The following UBASH3B variants were observed in gnomAD, a reference collection of about 807,000 sequenced individuals.
UBASH3B encodes the protein ubiquitin-associated and SH3 domain-containing protein B.
A neutral mutation model predicts 83.4 loss-of-function variants in UBASH3B; 37 were observed. That is an observed-to-expected ratio of 0.44 (90% CI 0.34 to 0.58). The LOEUF (loss-of-function observed/expected upper bound fraction) is 0.58, where lower values mean the gene tolerates loss of function less well. UBASH3B is among the 20% of genes least tolerant of loss of function. The pLI is 0.01. For missense variants in UBASH3B, 657 were observed against 827.2 expected (o/e 0.79, Z 2.52); for synonymous variants, 304 against 318.3 (o/e 0.96, Z 0.48).
chr11:122,717,554 C>T (rs990955245), intron 1 of UBASH3B, among the ~76,000 whole-genome samples: 1 of 152,226 alleles, frequency 6.6e-6, no homozygotes, highest in Non-Finnish European at 1.5e-5. Context: ...AGCACGGATG[C>T]TTGTAAATGT....
At chr11:122,717,515 A>G (rs968404740) in intron 1 of UBASH3B, among the ~76,000 whole-genome samples, 22 of 152,242 alleles carry the variant, frequency 1.4e-4, no homozygotes, top group Non-Finnish European at 1.6e-4. Flanking sequence ...CTCTGGCCAC[A>G]GATCAGTAGA....
intron 1 of UBASH3B, among the ~76,000 whole-genome samples, chr11:122,721,131 G>C (rs1172156338): frequency 6.6e-6 from 1 of 151,502 alleles, no homozygotes; most frequent in Non-Finnish European, 1.5e-5. Context: ...TGTAGTCCCA[G>C]CTACTCTGGA....
chr11:122,738,845 C>T (rs1300942840), intron 1 of UBASH3B, among the ~76,000 whole-genome samples: 1 of 150,554 alleles, frequency 6.6e-6, no homozygotes, highest in African/African-American at 2.4e-5. Flanking sequence ...CGAGATCACA[C>T]CATTGCACCC....
chr11:122,760,776 T>A (rs569265317), intron 1 of UBASH3B, among the ~76,000 whole-genome samples: 10 of 152,102 alleles, frequency 6.6e-5, no homozygotes, highest in African/African-American at 2.2e-4. Flanking sequence ...TGCTAAGGAG[T>A]CTAAACATGT....
intron 1 of UBASH3B, among the ~76,000 whole-genome samples, chr11:122,695,902 G>C (rs1863959553): frequency 6.6e-6 from 1 of 152,078 alleles, no homozygotes; most frequent in Non-Finnish European, 1.5e-5. Context: ...GTCACATTGA[G>C]CTTATGTTTC....
At chr11:122,734,243 G>A (rs1860895914) in intron 1 of UBASH3B, among the ~76,000 whole-genome samples, 2 of 152,164 alleles carry the variant, frequency 1.3e-5, no homozygotes, top group South Asian at 4.1e-4. Flanking sequence ...GTTTTCATGA[G>A]CACAGAAAAG....
At chr11:122,724,340 G>A (rs191127613) in intron 1 of UBASH3B, among the ~76,000 whole-genome samples, 3 of 152,282 alleles carry the variant, frequency 2.0e-5, no homozygotes, top group East Asian at 1.9e-4. Context: ...GGGCAGGCAT[G>A]TAGAAGTTGC....
At chr11:122,666,242 T>C (rs566978025) in intron 1 of UBASH3B, among the ~76,000 whole-genome samples, 1 of 152,376 alleles carries the variant, frequency 6.6e-6, no homozygotes, top group African/African-American at 2.4e-5. Context: ...CAAAAACATT[T>C]ACAGAGAGCG....
chr11:122,765,053 T>G (rs1334046347), intron 1 of UBASH3B, among the ~76,000 whole-genome samples: 5 of 151,630 alleles, frequency 3.3e-5, no homozygotes, highest in Admixed American at 6.6e-5. Context: ...CTTTTTAGAT[T>G]AACAGGATTT....
At chr11:122,736,763 C>A (rs1021795407) in intron 1 of UBASH3B, among the ~76,000 whole-genome samples, 2 of 151,910 alleles carry the variant, frequency 1.3e-5, no homozygotes, top group Non-Finnish European at 2.9e-5. Context: ...ATTTAAGGAT[C>A]GGGAAGCCAG....
rs1861340647 is a variant in UBASH3B at position 122,806,427 on chromosome 11, G to A, written c.1613G>A (p.Ser538Asn). 2 of 1,601,834 alleles carry A rather than the reference G, an allele frequency of 1.2e-6. No homozygotes were observed. Among genetic ancestry groups the A allele is most frequent in the African/African-American group, 1.3e-5 (1 of 74,296 alleles). The change falls in exon 12 of 14, where the codon AGC becomes AAC. Residue 538 changes from serine to asparagine, a missense_variant. Physicochemically the swap from Ser to Asn is conservative, Grantham distance 46. Coordinates refer to ENST00000284273, the MANE Select transcript of UBASH3B (RefSeq NM_032873.5). The surrounding 1 kb of genome is among the most constrained non-coding windows in gnomAD (Gnocchi z 4.0). ...TATTACAGACCTCACATTCCAATCA[G>A]CAAATTAGTTGTTTCAGAATCCTAT... ...DTTYRPHIPI[S>N]KLVVSESYDT...
chr11:122,776,746 G>T (rs370898907), intron 2 of UBASH3B, among the ~76,000 whole-genome samples: 1 of 152,178 alleles, frequency 6.6e-6, no homozygotes, highest in Non-Finnish European at 1.5e-5. Flanking sequence ...ATTTGGAGTT[G>T]ATCCAAGAAT....
chr11:122,691,904 C>G (rs751703837), intron 1 of UBASH3B, among the ~76,000 whole-genome samples: 1 of 152,098 alleles, frequency 6.6e-6, no homozygotes, highest in African/African-American at 2.4e-5. Flanking sequence ...GTGCTACCCC[C>G]AGGCAGGCCC....
chr11:122,710,356 G>A (rs1274317376), intron 1 of UBASH3B, among the ~76,000 whole-genome samples: 2 of 152,046 alleles, frequency 1.3e-5, no homozygotes, highest in Non-Finnish European at 2.9e-5. Context: ...AGAGATGGTG[G>A]GGCCACCATT....
At chr11:122,798,514 C>A (rs1000670220) in intron 9 of UBASH3B, among the ~76,000 whole-genome samples, 10 of 151,882 alleles carry the variant, frequency 6.6e-5, no homozygotes, top group African/African-American at 2.2e-4. Context: ...AGATCGAGAC[C>A]ATTCTGGCCA....
Position 122,801,437 on chromosome 11 carries a change from G to A in UBASH3B, c.1595+105G>A. ...AGCCAGGGCTGGACATCACCTACAG[G>A]CAGTTGTCCATAGTGGTGGAAAACG... On this transcript the variant is annotated intron_variant, in intron 11 of 13. Transcript: ENST00000284273. 5 of 1,348,872 alleles carry A rather than the reference G, an allele frequency of 3.7e-6. No homozygotes were observed. In the South Asian group the frequency reaches 6.9e-5, roughly 19 times the overall value. 83.6% of individuals were successfully genotyped at this position (1,348,872 alleles called of 1,614,324 possible).
intron 1 of UBASH3B, among the ~76,000 whole-genome samples, chr11:122,749,896 C>G (rs1861174445): frequency 6.6e-6 from 1 of 152,128 alleles, no homozygotes; most frequent in African/African-American, 2.4e-5. Flanking sequence ...CCACACCAGG[C>G]TAATTTTTAT....
intron 1 of UBASH3B, among the ~76,000 whole-genome samples, chr11:122,713,246 A>G (rs1864224124): frequency 1.3e-5 from 2 of 152,122 alleles, no homozygotes; most frequent in Non-Finnish European, 2.9e-5. Context: ...TGAGGCTCAC[A>G]TGGGATGAAG....
At chr11:122,787,066 A>T (rs1184354359) in intron 5 of UBASH3B, among the ~76,000 whole-genome samples, 2 of 149,722 alleles carry the variant, frequency 1.3e-5, no homozygotes, top group Non-Finnish European at 3.0e-5. Context: ...AGGGAAAGGC[A>T]CTACTGGGCC....
Sources: gnomAD v4.1 joint callset for allele counts (sites outside exome capture counted in the v4.1 genomes callset) on GRCh38, gnomAD v4.1.1 for gene constraint, Gnocchi (gnomAD v3.1) non-coding constraint, MANE v1.5 for transcripts, NCBI Gene and HGNC (gene_info 2026-07-23, HGNC 2026-07-21) for gene names.